Variants in CATSPERE observed in about 807,000 individuals in gnomAD.
The protein encoded by CATSPERE is catsper channel auxiliary subunit epsilon, also known as cation channel sperm-associated auxiliary subunit epsilon.
Under a neutral mutation model 114.1 loss-of-function variants are expected in CATSPERE, and 93 were observed. The observed-to-expected ratio is 0.81, with a 90% CI of 0.69 to 0.97. The LOEUF (loss-of-function observed/expected upper bound fraction) is 0.97. Ranked by LOEUF, CATSPERE falls within the 50% of genes least tolerant of loss-of-function variation. The pLI, the probability that CATSPERE is intolerant of heterozygous loss-of-function variation, is 0.00. For synonymous variants in CATSPERE, 341 were observed against 384.1 expected, an observed-to-expected ratio of 0.89 and a Z score of 1.31; for missense variants, 1,058 against 1,131.6, an observed-to-expected ratio of 0.93 and a Z score of 0.93.
chr1:244,517,561 C>T (rs1280241961), intron 7 of CATSPERE, among the ~76,000 whole-genome samples: 1 of 151,842 alleles, frequency 6.6e-6, no homozygotes, highest in East Asian at 1.9e-4. Flanking sequence ...CACCTGAGGT[C>T]AGGAGTTCGA....
At chr1:244,545,574 A>G (rs1237840023) in intron 8 of CATSPERE, among the ~76,000 whole-genome samples, 1 of 152,178 alleles carries the variant, frequency 6.6e-6, no homozygotes, top group Non-Finnish European at 1.5e-5. Context: ...TTTTGGAGAA[A>G]GGCCCTTTCA....
intron 9 of CATSPERE, among the ~76,000 whole-genome samples, chr1:244,558,884 C>G (rs948510400): frequency 1.3e-5 from 2 of 152,194 alleles, no homozygotes; most frequent in African/African-American, 4.8e-5. Flanking sequence ...GAGAGTTCCT[C>G]TCCACTCCCT....
At chr1:244,628,500 C>T (rs1032111327) in intron 20 of CATSPERE, among the ~76,000 whole-genome samples, 1 of 88,672 alleles carries the variant, frequency 1.1e-5, no homozygotes, top group Admixed American at 1.2e-4. Context: ...TTTTGATAAA[C>T]ATTCACATAA....
intron 10 of CATSPERE, among the ~76,000 whole-genome samples, chr1:244,563,042 T>C (rs1470559799): frequency 6.6e-6 from 1 of 152,230 alleles, no homozygotes; most frequent in Non-Finnish European, 1.5e-5. Flanking sequence ...GCTTTATCCA[T>C]GTCCCTGCAA....
chr1:244,617,826 T>TA, intron 20 of CATSPERE, 140 bp downstream of exon 20: 1 of 696,636 alleles, frequency 1.4e-6, no homozygotes, highest in Non-Finnish European at 2.2e-6. Context: ...AGCAATCACA[T>TA]GAAACATTCT....
intron 2 of CATSPERE, among the ~76,000 whole-genome samples, chr1:244,467,854 A>G (rs1667846335): frequency 6.6e-6 from 1 of 152,242 alleles, no homozygotes; most frequent in South Asian, 2.1e-4. Flanking sequence ...GCCATACAGA[A>G]AAGAACACAT....
chr1:244,465,214 G>T (rs902376170), intron 2 of CATSPERE, among the ~76,000 whole-genome samples: 1 of 151,856 alleles, frequency 6.6e-6, no homozygotes. Flanking sequence ...TTTTGTACTT[G>T]TAGTAGAGAT....
In CATSPERE at chr1:244,495,442, A is replaced by C. The variant is rs576825102; in HGVS notation, c.352-3560A>C. Among the ~76,000 whole-genome samples, 14 of 152,310 alleles carry C rather than the reference A, an allele frequency of 9.2e-5. No individual in the cohort carries two copies. In the South Asian group the frequency reaches 2.9e-3, roughly 32 times the overall value. On this transcript the variant is annotated intron_variant, in intron 6 of 21. Coordinates refer to ENST00000366534, the MANE Select transcript of CATSPERE (RefSeq NM_001130957.2). ...TTAGGATTTAGAAAATGTCTTGGCC[A>C]GGAGCGGTGGCTCACGCCTGTACAA...
At chr1:244,636,546 G>A (rs950164582) in intron 21 of CATSPERE, 3 of 152,150 alleles carry the variant, frequency 2.0e-5, no homozygotes, top group Non-Finnish European at 2.9e-5. Flanking sequence ...GAATATTAAG[G>A]TCATGGGGTT....
At chr1:244,459,969 G>A (rs984659690), upstream of CATSPERE, among the ~76,000 whole-genome samples, 9 of 152,096 alleles carry the variant, frequency 5.9e-5, no homozygotes, top group Admixed American at 6.5e-5. Flanking sequence ...AGCTATCAAC[G>A]GCCTTCTCCC....
intron 6 of CATSPERE, among the ~76,000 whole-genome samples, 175 bp downstream of exon 6, chr1:244,490,646 C>G (rs1452496508): frequency 1.3e-5 from 2 of 152,090 alleles, no homozygotes; most frequent in Non-Finnish European, 2.9e-5. Flanking sequence ...TCACCCTTTT[C>G]TAACCACCTA....
At chr1:244,577,391 C>T (rs534879758) in intron 11 of CATSPERE, among the ~76,000 whole-genome samples, 69 of 152,262 alleles carry the variant, frequency 4.5e-4, no homozygotes, top group African/African-American at 1.6e-3. Flanking sequence ...TCTTCAAACA[C>T]AGAGTTGAAT....
chr1:244,460,873 G>T (rs1207787067), upstream of CATSPERE, among the ~76,000 whole-genome samples: 1 of 152,206 alleles, frequency 6.6e-6, no homozygotes, highest in African/African-American at 2.4e-5. Flanking sequence ...GAGCCAGATC[G>T]CGCCACTGCA....
upstream of CATSPERE, chr1:244,452,078 G>GTT (rs1665652982): frequency 1.9e-5 from 6 of 323,110 alleles, no homozygotes; most frequent in Admixed American, 1.5e-4. Flanking sequence ...TGGCGGCAAC[G>GTT]GCCGCCACCC....
At chr1:244,615,950 TA>T (rs35945015) in intron 19 of CATSPERE, among the ~76,000 whole-genome samples, 1,296 of 115,770 alleles carry the variant, frequency 0.011, 11 homozygotes, top group African/African-American at 0.025. Flanking sequence ...CCCCATCTCC[TA>T]AAAAAAAAAA....
intron 9 of CATSPERE, among the ~76,000 whole-genome samples, chr1:244,558,163 G>A (rs866533887): frequency 1.4e-4 from 16 of 111,726 alleles, no homozygotes; most frequent in South Asian, 8.8e-4. Flanking sequence ...TTTTTGAGAC[G>A]GAGTTTTACT....
intron 20 of CATSPERE, among the ~76,000 whole-genome samples, chr1:244,624,789 G>A (rs1476497992): frequency 4.0e-5 from 6 of 151,838 alleles, no homozygotes; most frequent in East Asian, 3.9e-4. Flanking sequence ...GCGACAGAGC[G>A]AGAGTCCATC....
intron 11 of CATSPERE, among the ~76,000 whole-genome samples, chr1:244,578,849 C>A (rs1412293422): frequency 1.3e-5 from 1 of 74,818 alleles, no homozygotes; most frequent in Non-Finnish European, 3.4e-5. Context: ...TATATACACA[C>A]ACACACAGGT....
intron 8 of CATSPERE, among the ~76,000 whole-genome samples, chr1:244,545,791 A>G (rs1433581324): frequency 6.6e-6 from 1 of 152,206 alleles, no homozygotes; most frequent in African/African-American, 2.4e-5. Flanking sequence ...TGGTATATAC[A>G]TGATTGGGCC....
Sources: allele counts gnomAD v4.1 joint callset (sites outside exome capture counted in the v4.1 genomes callset), GRCh38; gene constraint gnomAD v4.1.1; transcripts MANE v1.5; gene names NCBI Gene and HGNC (gene_info 2026-07-23, HGNC 2026-07-21).